The following CSMD1 variants were observed in gnomAD, a reference collection of about 807,000 sequenced individuals.
The protein encoded by CSMD1 is CUB and sushi domain-containing protein 1.
CSMD1 carries 213 observed loss-of-function variants against 417.5 expected under a neutral mutation model. The observed-to-expected ratio is 0.51, with a 90% CI of 0.46 to 0.57. The LOEUF (loss-of-function observed/expected upper bound fraction) is 0.57. Among genes scored for constraint, CSMD1 ranks in the 20% least tolerant of loss-of-function variants. The pLI, the probability that CSMD1 is intolerant of heterozygous loss-of-function variation, is 0.00. For synonymous variants in CSMD1, 2,862 were observed against 1,736.8 expected (o/e 1.65, Z -16.11); for missense variants, 6,923 against 4,529.7 (o/e 1.53, Z -15.17).
At chr8:3,902,332 T>C (rs1454714213) in intron 5 of CSMD1, among the ~76,000 whole-genome samples, 3 of 152,210 alleles carry the variant, frequency 2.0e-5, no homozygotes, top group Non-Finnish European at 4.4e-5. Context: ...TAAGGAGTTT[T>C]TTGTTTCAAA....
chr8:4,121,478 T>A (rs1165746447), intron 3 of CSMD1, among the ~76,000 whole-genome samples: 1 of 152,212 alleles, frequency 6.6e-6, no homozygotes, highest in Non-Finnish European at 1.5e-5. Context: ...TGCTTCTAGT[T>A]ACTTTCCTAT....
intron 26 of CSMD1, 60 bp from the exon 27 acceptor site, chr8:3,230,291 C>A: frequency 7.4e-7 from 1 of 1,359,478 alleles, no homozygotes; most frequent in Non-Finnish European, 9.9e-7. Context: ...ACATTCTTGT[C>A]GGTGTGGTTG....
chr8:4,983,577 C>T (rs1416868151), intron 1 of CSMD1, among the ~76,000 whole-genome samples: 1 of 152,116 alleles, frequency 6.6e-6, no homozygotes, highest in Non-Finnish European at 1.5e-5. Flanking sequence ...GGCTGGAAGG[C>T]AGTGGTGCAA....
intron 2 of CSMD1, among the ~76,000 whole-genome samples, chr8:4,499,967 A>C (rs1216361413): frequency 6.6e-6 from 1 of 152,186 alleles, no homozygotes; most frequent in Non-Finnish European, 1.5e-5. Flanking sequence ...GAAAAAAAGC[A>C]GATATCTATG....
chr8:3,381,255 C>A (rs150489810), intron 18 of CSMD1, among the ~76,000 whole-genome samples: 169 of 151,558 alleles, frequency 1.1e-3, no homozygotes, highest in Middle Eastern at 3.4e-3. Context: ...ACCTGTTCAA[C>A]AGATCTACCC....
chr8:4,649,135 A>G (rs1803722341), intron 1 of CSMD1, among the ~76,000 whole-genome samples: 1 of 152,208 alleles, frequency 6.6e-6, no homozygotes, highest in Admixed American at 6.5e-5. Flanking sequence ...AACCTTCTCA[A>G]GAAGATAGTA....
chr8:3,566,797 T>C lies in CSMD1; in HGVS notation c.1344+8148A>G, dbSNP rs549937272. Among the ~76,000 whole-genome samples, 6 of 152,240 alleles carry C rather than the reference T, an allele frequency of 3.9e-5. No individual in the cohort carries two copies. In the South Asian group the frequency reaches 8.3e-4, roughly 21 times the overall value. The stretch of plus-strand genomic sequence containing the variant: ...AATTTAACAGATGCTGGTGAGGTTG[T>C]GGAGAAAAAGGAACACTTATACACT... On this transcript the variant is annotated intron_variant, in intron 10 of 69. Transcript: ENST00000635120.
intron 3 of CSMD1, among the ~76,000 whole-genome samples, chr8:4,256,435 G>C (rs917985666): frequency 1.3e-5 from 2 of 152,196 alleles, no homozygotes; most frequent in Admixed American, 6.5e-5. Context: ...GAATTGTGAA[G>C]ATTAAAAGAG....
intron 7 of CSMD1, among the ~76,000 whole-genome samples, chr8:3,678,378 T>G (rs1367746299): frequency 6.6e-6 from 1 of 152,188 alleles, no homozygotes; most frequent in Non-Finnish European, 1.5e-5. Context: ...GCACGGGAAC[T>G]ACGTGATGAA....
chr8:4,911,943 T>C (rs951645821), intron 1 of CSMD1, among the ~76,000 whole-genome samples: 1 of 151,956 alleles, frequency 6.6e-6, no homozygotes, highest in African/African-American at 2.4e-5. Flanking sequence ...CTTGTACTAT[T>C]TTAAGCCCCA....
intron 10 of CSMD1, among the ~76,000 whole-genome samples, chr8:3,510,851 G>C (rs1259223465): frequency 2.0e-5 from 3 of 151,624 alleles, no homozygotes; most frequent in African/African-American, 7.3e-5. Flanking sequence ...CTTTTTGATG[G>C]GGTTGTTTTT....
intron 23 of CSMD1, among the ~76,000 whole-genome samples, chr8:3,318,544 T>C (rs1805934704): frequency 6.6e-6 from 1 of 152,226 alleles, no homozygotes; most frequent in Non-Finnish European, 1.5e-5. Context: ...TGCCCATTCA[T>C]TAATTCAACA....
chr8:4,257,804 G>A (rs1003486623), intron 3 of CSMD1, among the ~76,000 whole-genome samples: 3 of 152,192 alleles, frequency 2.0e-5, no homozygotes, highest in African/African-American at 7.2e-5. Context: ...AGCATTTAAT[G>A]TGCATGAGGT....
rs1219427850 is a variant in CSMD1 at position 4,984,582 on chromosome 8, G to A, written c.85+9750C>T. On this transcript the variant is annotated intron_variant, in intron 1 of 69. Transcript: ENST00000635120. ...CTCAACATCCTCATCTTCAGTTCAT[G>A]ATGTTGTTCCTGTTCCCTTCCTCCT... Among the ~76,000 whole-genome samples the A allele has an allele frequency of 2.0e-5, 3 of 152,306 alleles. No homozygotes were observed. The East Asian group carries it at 5.8e-4, about 29-fold the overall frequency.
intron 4 of CSMD1, among the ~76,000 whole-genome samples, chr8:4,029,546 AT>A (rs1314411237): frequency 6.6e-6 from 1 of 152,136 alleles, no homozygotes; most frequent in East Asian, 1.9e-4. Context: ...AACTGCCTCC[AT>A]GGTTCAATTA....
At chr8:4,072,832 T>A (rs1799628857) in intron 3 of CSMD1, among the ~76,000 whole-genome samples, 1 of 152,212 alleles carries the variant, frequency 6.6e-6, no homozygotes, top group East Asian at 1.9e-4. Context: ...CCAAAAGCCG[T>A]CTTTTCCACT....
chr8:3,957,407 G>A (rs772465386), intron 5 of CSMD1, among the ~76,000 whole-genome samples: 1 of 152,202 alleles, frequency 6.6e-6, no homozygotes, highest in Admixed American at 6.5e-5. Flanking sequence ...TCTGGGAGCA[G>A]TGGCTCCCAC....
At chr8:3,700,968 A>G (rs1046531005) in intron 7 of CSMD1, among the ~76,000 whole-genome samples, 1 of 151,816 alleles carries the variant, frequency 6.6e-6, no homozygotes, top group African/African-American at 2.4e-5. Context: ...TGAGGATGAC[A>G]TGATGATACA....
chr8:3,148,339 T>C (rs558604050), intron 40 of CSMD1, among the ~76,000 whole-genome samples: 39 of 152,344 alleles, frequency 2.6e-4, no homozygotes, highest in Middle Eastern at 3.4e-3. Flanking sequence ...TATTTTCTTA[T>C]GATTCCGGAG....
Sources: gnomAD v4.1 joint callset for allele counts (sites outside exome capture counted in the v4.1 genomes callset) on GRCh38, gnomAD v4.1.1 for gene constraint, MANE v1.5 for transcripts, NCBI Gene and HGNC (gene_info 2026-07-23, HGNC 2026-07-21) for gene names.